The following STAU2 variants were observed in gnomAD, a reference collection of about 807,000 sequenced individuals.
STAU2 encodes the protein double-stranded RNA-binding protein Staufen homolog 2.
Under a neutral mutation model 65.9 loss-of-function variants are expected in STAU2, and 20 were observed. The observed-to-expected ratio is 0.30, with a 90% CI of 0.21 to 0.44. The LOEUF (loss-of-function observed/expected upper bound fraction) is 0.44, where lower values mean the gene tolerates loss of function less well. Among genes scored for constraint, STAU2 ranks in the 20% least tolerant of loss-of-function variants. The pLI, the probability that STAU2 is intolerant of heterozygous loss-of-function variation, is 1.00. For missense variants in STAU2, 558 were observed against 683.9 expected (o/e 0.82, Z 2.05); for synonymous variants, 232 against 233.9 (o/e 0.99, Z 0.07).
Position 73,613,963 on chromosome 8 carries a change from A to G in STAU2, c.679-7T>C, listed in dbSNP as rs1400564813. 2 of 1,581,494 alleles carry G rather than the reference A, an allele frequency of 1.3e-6. No individual in the cohort carries two copies. The highest frequency in any genetic ancestry group is 8.6e-7 in the Non-Finnish European group (1 of 1,163,986). On this transcript the variant is annotated splice_region_variant and splice_polypyrimidine_tract_variant and intron_variant, in intron 8 of 14. Transcript: ENST00000524300. ...GTCCACTTTCTTTAATAACCTATTA[A>G]ATACAAGTAAAATATTAAATAATGG...
At chr8:73,510,276 G>A (rs1822312459) in intron 13 of STAU2, among the ~76,000 whole-genome samples, 1 of 151,862 alleles carries the variant, frequency 6.6e-6, no homozygotes, top group African/African-American at 2.4e-5. Context: ...CTCCATGTTG[G>A]TCAGGCTGGT....
At chr8:73,545,131 G>A (rs897141897) in intron 13 of STAU2, among the ~76,000 whole-genome samples, 2 of 152,082 alleles carry the variant, frequency 1.3e-5, no homozygotes, top group African/African-American at 4.8e-5. Context: ...TCATATACAT[G>A]CTGAAATTAT....
intron 6 of STAU2, among the ~76,000 whole-genome samples, chr8:73,668,503 A>G (rs1817401201): frequency 6.6e-6 from 1 of 152,236 alleles, no homozygotes; most frequent in Admixed American, 6.5e-5. Context: ...AATATACAAA[A>G]TTGAAAAACT....
At chr8:73,615,553 G>T in intron 8 of STAU2, 122 bp downstream of exon 8, 1 of 672,220 alleles carries the variant, frequency 1.5e-6, no homozygotes, top group Non-Finnish European at 2.6e-6. Context: ...CATAATACTG[G>T]GTTTGAACAT....
intron 3 of STAU2, among the ~76,000 whole-genome samples, chr8:73,720,381 T>C (rs889987256): frequency 1.6e-4 from 25 of 152,106 alleles, no homozygotes; most frequent in African/African-American, 6.0e-4. Context: ...TTTGAGCTAT[T>C]TGAGTTCATT....
At chr8:73,495,553 T>C (rs928645686) in intron 13 of STAU2, among the ~76,000 whole-genome samples, 3 of 150,834 alleles carry the variant, frequency 2.0e-5, no homozygotes, top group African/African-American at 7.3e-5. Context: ...AGTGTTCAAA[T>C]AAAATGTCAA....
chr8:73,538,103 G>A (rs892815732), intron 13 of STAU2, among the ~76,000 whole-genome samples: 1 of 152,200 alleles, frequency 6.6e-6, no homozygotes, highest in Non-Finnish European at 1.5e-5. Flanking sequence ...AGAGACTTGA[G>A]AGACTTGACA....
chr8:73,491,571 TATTTTTTAA>T (rs886957863), intron 13 of STAU2, among the ~76,000 whole-genome samples: 2 of 152,016 alleles, frequency 1.3e-5, no homozygotes, highest in Non-Finnish European at 2.9e-5. Context: ...GGTTTAGACA[TATTTTTTAA>T]ATGTGTACTT....
intron 6 of STAU2, among the ~76,000 whole-genome samples, chr8:73,658,912 C>CA (rs1258296399): frequency 2.1e-4 from 27 of 131,478 alleles, no homozygotes; most frequent in African/African-American, 8.6e-5. Flanking sequence ...AACTCCGTCT[C>CA]AAAAAACAAC....
chr8:73,498,207 T>C (rs781669978), intron 13 of STAU2, among the ~76,000 whole-genome samples: 7 of 151,834 alleles, frequency 4.6e-5, no homozygotes, highest in Non-Finnish European at 7.4e-5. Flanking sequence ...TCACCTATAA[T>C]TCCTCCAGGC....
chr8:73,527,853 A>T, intron 13 of STAU2: 1 of 990,006 alleles, frequency 1.0e-6, no homozygotes, highest in Non-Finnish European at 1.5e-6. Flanking sequence ...CAGAGGGGAC[A>T]AGATGCAAAT....
At position 73,583,729 on chromosome 8, in the gene STAU2, AC is replaced by A. The variant is rs1408578078; in HGVS notation, c.1162-900del. ...AACTAAGTCCTAACTTTAAGTCCTA[AC>A]TTTAAGCAAACTAAGTCCTAACTTT... On this transcript the variant is annotated intron_variant, in intron 11 of 14. Transcript: ENST00000524300. Among the ~76,000 whole-genome samples, 5 of 152,320 alleles carry A rather than the reference AC, an allele frequency of 3.3e-5. No individual in the cohort carries two copies. In the East Asian group the frequency reaches 7.7e-4, roughly 23 times the overall value.
At chr8:73,483,715 A>G (rs1412888198) in intron 13 of STAU2, among the ~76,000 whole-genome samples, 1 of 152,172 alleles carries the variant, frequency 6.6e-6, no homozygotes, top group Non-Finnish European at 1.5e-5. Context: ...GCCAATAGGA[A>G]AAACAGAGGA....
chr8:73,456,561 T>C (rs1297743606), intron 13 of STAU2, among the ~76,000 whole-genome samples: 3 of 151,672 alleles, frequency 2.0e-5, no homozygotes, highest in Non-Finnish European at 2.9e-5. Context: ...GTGCTCCTCA[T>C]GGCAGGAAGG....
Position 73,421,473 on chromosome 8 carries a change from A to T in STAU2, c.1620-8T>A. 6.5e-7 allele frequency: 1 copy of T among 1,537,244 alleles called. No individual in the cohort carries two copies. ...CTCAGATGCTTGGCTTGTCTGAAAG[A>T]TTAATACATTAACAAGAGCTGAAGG... On this transcript the variant is annotated splice_polypyrimidine_tract_variant and splice_region_variant and intron_variant, in intron 14 of 14. Coordinates refer to ENST00000524300, the MANE Select transcript of STAU2 (RefSeq NM_001164380.2).
chr8:73,437,395 G>T (rs1432128459), intron 13 of STAU2, among the ~76,000 whole-genome samples: 1 of 152,132 alleles, frequency 6.6e-6, no homozygotes, highest in Non-Finnish European at 1.5e-5. Flanking sequence ...GGTCATTACT[G>T]GCTCTGTACT....
chr8:73,679,227 C>T (rs757407769), intron 5 of STAU2, among the ~76,000 whole-genome samples: 1 of 152,034 alleles, frequency 6.6e-6, no homozygotes, highest in African/African-American at 2.4e-5. Flanking sequence ...CAATAGATAA[C>T]GGGACATATA....
At chr8:73,560,795 T>G (rs1035356215) in intron 12 of STAU2, among the ~76,000 whole-genome samples, 1 of 151,838 alleles carries the variant, frequency 6.6e-6, no homozygotes, top group Non-Finnish European at 1.5e-5. Context: ...GCAATAAAGG[T>G]TTTTCAAAAA....
Position 73,613,873 on chromosome 8 carries a change from T to C in STAU2, c.762A>G (p.Gly254=). 1 of 1,613,848 alleles carries C rather than the reference T, an allele frequency of 6.2e-7. No homozygotes were observed. Among genetic ancestry groups the C allele is most frequent in the Middle Eastern group, 1.7e-4 (1 of 5,982 alleles). The change falls in exon 9 of 15, where the codon GGA becomes GGG. Residue 254 remains glycine (G), a synonymous_variant. Transcript: ENST00000524300. ...SVGEFSAEGE[G]NSKKLSKKRA... ...GCTTCTTGGAGAGTTTTTTGCTATT[T>C]CCTTCTCCTTCTGCAGAGAACTCTC...
Sources: gnomAD v4.1 joint callset for allele counts (sites outside exome capture counted in the v4.1 genomes callset) on GRCh38, gnomAD v4.1.1 for gene constraint, MANE v1.5 for transcripts, NCBI Gene and HGNC (gene_info 2026-07-23, HGNC 2026-07-21) for gene names.